The following PLD3 variants were observed in gnomAD, a reference collection of about 807,000 sequenced individuals.
The protein encoded by PLD3 is phospholipase D family member 3.
In PLD3, 31 loss-of-function variants were observed where a neutral mutation model predicts 58.4. That is an observed-to-expected ratio of 0.53 (90% confidence interval 0.40 to 0.72). The LOEUF (loss-of-function observed/expected upper bound fraction) is 0.72. PLD3 is among the 30% of genes least tolerant of loss of function. The pLI is 0.00. For synonymous variants in PLD3, 264 were observed against 273.4 expected (o/e 0.97, Z 0.34); for missense variants, 595 against 659.8 (o/e 0.90, Z 1.08).
chr19:40,360,656 G>A (rs1487782856), intron 1 of PLD3: 1 of 151,122 alleles, frequency 6.6e-6, no homozygotes, highest in Non-Finnish European at 1.5e-5. Context: ...TCAAGGTGTA[G>A]CAGGGCCATG....
Position 40,367,765 on chromosome 19 carries a change from C to T in PLD3, c.315C>T (p.Thr105=), listed in dbSNP as rs199719440. 1.5e-5 allele frequency: 25 copies of T among 1,613,730 alleles called. No individual in the cohort carries two copies. The East Asian group carries it at 5.6e-4, about 36-fold the overall frequency. The change falls in exon 6 of 13, where the codon ACC becomes ACT. Residue 105 remains threonine (T), a synonymous_variant. Coordinates refer to ENST00000409735, the MANE Select transcript of PLD3 (RefSeq NM_012268.4). ...FPNASTGNPS[T]SQAWLGLLAG... ...ATGCCTCCACGGGGAACCCTTCCAC[C>T]AGCCAGGCCTGGCTGGGCCTGCTCG... is the stretch of plus-strand genomic sequence containing the variant.
intron 1 of PLD3, chr19:40,357,756 T>C (rs1427211817): frequency 2.6e-5 from 4 of 152,102 alleles, no homozygotes; most frequent in Non-Finnish European, 5.9e-5. Context: ...GACACGGACA[T>C]AGCAAGGGAC....
rs1599630878 is a variant in PLD3, at chr19:40,376,923, G to A, written c.1185+149G>A. The A allele has an allele frequency of 1.0e-5, 8 of 764,118 alleles. No individual in the cohort carries two copies. The East Asian group carries it at 1.7e-4, about 16-fold the overall frequency. 47.3% of individuals were successfully genotyped at this position (764,118 alleles called of 1,614,324 possible). ...CCATGGGTCAGGGCCAGGGTCATGG[G>A]GCACAGGGAGAGGGGCCAGGACCGG... On this transcript the variant is annotated intron_variant, in intron 11 of 12. Coordinates refer to ENST00000409735, the MANE Select transcript of PLD3 (RefSeq NM_012268.4).
chr19:40,375,669 GAAA>G (rs1290128513), intron 10 of PLD3, among the ~76,000 whole-genome samples: 21 of 135,404 alleles, frequency 1.6e-4, no homozygotes, highest in Admixed American at 3.7e-4. Context: ...AAAAAGAAAA[GAAA>G]AAAAAAAAGA....
intron 1 of PLD3, among the ~76,000 whole-genome samples, chr19:40,363,226 T>G (rs1197601898): frequency 3.3e-5 from 5 of 152,140 alleles, no homozygotes; most frequent in Non-Finnish European, 7.3e-5. Flanking sequence ...AACTCCATAT[T>G]CTTCAATAAA....
intron 10 of PLD3, 55 bp from the exon 11 acceptor site, chr19:40,376,554 T>C (rs893939508): frequency 6.4e-7 from 1 of 1,555,016 alleles, no homozygotes; most frequent in East Asian, 2.3e-5. Context: ...GGGCAAAGCC[T>C]GTGGACACAG....
At chr19:40,374,438 G>T in intron 9 of PLD3, 43 bp from the exon 10 acceptor site, 1 of 1,608,960 alleles carries the variant, frequency 6.2e-7, no homozygotes, top group South Asian at 1.1e-5. Context: ...TTGTGACGAT[G>T]ACCCTGGCAG....
At chr19:40,377,601 C>T (rs981958860) in intron 11 of PLD3, among the ~76,000 whole-genome samples, 185 bp from the exon 12 acceptor site, 5 of 151,992 alleles carry the variant, frequency 3.3e-5, no homozygotes, top group African/African-American at 4.8e-5. Context: ...ATGAGACCAC[C>T]GGGGCCTCCC....
intron 1 of PLD3, among the ~76,000 whole-genome samples, chr19:40,351,507 T>C (rs889027947): frequency 2.0e-5 from 3 of 152,064 alleles, no homozygotes; most frequent in African/African-American, 7.2e-5. Context: ...ATTGCGCCAT[T>C]GCACTCCAGC....
Position 40,366,344 on chromosome 19 carries a change from C to T in PLD3, c.-65-75C>T, listed in dbSNP as rs2078921663. ...CCCATGATTATGAATAGCCCCAAGACTAATCACTCTTCTGTGATGTCTGTC... is the reference window on the plus strand; with the variant it reads ...CCCATGATTATGAATAGCCCCAAGATTAATCACTCTTCTGTGATGTCTGTC... On this transcript the variant is annotated intron_variant, in intron 2 of 12. Transcript: ENST00000409735. 10 of 779,574 alleles carry T rather than the reference C, an allele frequency of 1.3e-5. No individual in the cohort carries two copies. In the South Asian group the frequency reaches 1.4e-4, roughly 11 times the overall value. The allele number at this position is 779,574 out of a possible 1,614,324, so 48.3% of individuals were successfully genotyped here. A position where few individuals can be genotyped will look rare whatever the true frequency, so the allele number is the denominator to read the frequency against.
Position 40,371,673 on chromosome 19 carries a change from G to T in PLD3, c.679G>T (p.Val227Phe). 6.2e-7 allele frequency: 1 copy of T among 1,611,682 alleles called. No homozygotes were observed. Among genetic ancestry groups the T allele is most frequent in the African/African-American group, 1.3e-5 (1 of 74,970 alleles). Reference protein sequence around the residue: ...ANMDWRSLTQVKELGVVMYNC... With the variant: ...ANMDWRSLTQFKELGVVMYNC... ...TGAGCTCAGCACTGCCCTCCTACAG[G>T]TCAAGGAGCTGGGCGTGGTCATGTA... The change falls in exon 9 of 13, where the codon GTC (valine) becomes TTC (phenylalanine). Residue 227 changes from valine (V) to phenylalanine (F), a missense_variant and splice_region_variant. By Grantham distance (50) the Val-to-Phe change is conservative. Coordinates refer to ENST00000409735, the MANE Select transcript of PLD3 (RefSeq NM_012268.4).
Position 40,371,800 on chromosome 19 carries a change from A to G in PLD3, c.806A>G (p.Tyr269Cys). 2 of 1,614,088 alleles carry G rather than the reference A, an allele frequency of 1.2e-6. No individual in the cohort carries two copies. Among genetic ancestry groups the G allele is most frequent in the Middle Eastern group, 1.6e-4 (1 of 6,062 alleles). Residue 269 changes from tyrosine to cysteine, a missense_variant, in exon 9 of 13, where the codon TAT becomes TGT. Coordinates refer to ENST00000409735, the MANE Select transcript of PLD3 (RefSeq NM_012268.4). ...ATCCCATCAACTTGGCCCCGGTTCT[A>G]TGACACCCGCTACAACCAAGAGACA... ...SSIPSTWPRF[Y>C]DTRYNQETPM...
Sources: gnomAD v4.1 joint callset for allele counts (sites outside exome capture counted in the v4.1 genomes callset) on GRCh38, gnomAD v4.1.1 for gene constraint, MANE v1.5 for transcripts, NCBI Gene and HGNC (gene_info 2026-07-23, HGNC 2026-07-21) for gene names.